Variants in OPCML observed in about 807,000 individuals in gnomAD.
The protein encoded by OPCML is opioid binding protein/cell adhesion molecule like, also known as opioid-binding protein/cell adhesion molecule.
A neutral mutation model predicts 37.8 loss-of-function variants in OPCML; 13 were observed. The ratio of observed to expected loss-of-function variants is 0.34; its 90% CI spans 0.22 to 0.55. OPCML has a LOEUF of 0.55. Among genes scored for constraint, OPCML ranks in the 20% least tolerant of loss-of-function variants. The pLI, the probability that OPCML is intolerant of heterozygous loss-of-function variation, is 0.91. For missense variants in OPCML, 341 were observed against 435.6 expected (o/e 0.78, Z 1.93); for synonymous variants, 176 against 168.8 (o/e 1.04, Z -0.33).
intron 1 of OPCML, among the ~76,000 whole-genome samples, chr11:133,090,710 G>C (rs1167775284): frequency 6.6e-6 from 1 of 152,210 alleles, no homozygotes; most frequent in Admixed American, 6.6e-5. Context: ...TCTCCTGACA[G>C]CTTATATGAA....
chr11:133,178,196 C>T (rs767434512), intron 1 of OPCML, among the ~76,000 whole-genome samples: 7 of 152,162 alleles, frequency 4.6e-5, no homozygotes, highest in Non-Finnish European at 1.0e-4. Context: ...ATGGGAATCA[C>T]AGCCTGGATG....
chr11:132,633,582 C>T (rs1940290394), intron 3 of OPCML, among the ~76,000 whole-genome samples: 2 of 152,094 alleles, frequency 1.3e-5, no homozygotes, highest in African/African-American at 2.4e-5. Context: ...TGAGCCTGGC[C>T]TCTTACGCTG....
intron 3 of OPCML, among the ~76,000 whole-genome samples, chr11:132,544,291 C>T (rs1224264751): frequency 6.6e-6 from 1 of 152,106 alleles, no homozygotes; most frequent in African/African-American, 2.4e-5. Context: ...TAATTCACAC[C>T]GTTTACTGGG....
chr11:133,062,775 T>C (rs1268804332), intron 1 of OPCML, among the ~76,000 whole-genome samples: 1 of 152,228 alleles, frequency 6.6e-6, no homozygotes, highest in African/African-American at 2.4e-5. Flanking sequence ...AACCCTGTCA[T>C]TGATCCCAAT....
intron 3 of OPCML, among the ~76,000 whole-genome samples, chr11:132,598,729 A>G (rs1937622590): frequency 6.6e-6 from 1 of 152,132 alleles, no homozygotes; most frequent in Non-Finnish European, 1.5e-5. Context: ...TCCCTTACTG[A>G]TCATCCTTTA....
intron 1 of OPCML, among the ~76,000 whole-genome samples, chr11:133,266,521 C>T (rs950172733): frequency 6.6e-6 from 1 of 152,186 alleles, no homozygotes; most frequent in African/African-American, 2.4e-5. Flanking sequence ...TTGTCACTGC[C>T]ATTTGGTATT....
rs527969374 is a variant in OPCML at position 132,822,916 on chromosome 11, A to G, written c.146+120010T>C. On this transcript the variant is annotated intron_variant, in intron 2 of 7. Transcript: ENST00000524381. ...CAAGTCTCAATTACCTCATTTGTAA[A>G]TGAAGACTATAATCATATCCACCTC... 9.5e-4 allele frequency among the ~76,000 whole-genome samples: 145 copies of G among 152,326 alleles called. 3 individuals are homozygous for G. The South Asian group carries it at 0.029, about 31-fold the overall frequency.
intron 1 of OPCML, among the ~76,000 whole-genome samples, chr11:133,228,737 G>T (rs964547909): frequency 2.4e-4 from 37 of 152,254 alleles, no homozygotes; most frequent in African/African-American, 6.8e-4. Context: ...CTCAGCACGG[G>T]CCCAGGAGGC....
intron 1 of OPCML, among the ~76,000 whole-genome samples, chr11:133,318,014 A>C (rs1267280867): frequency 6.6e-6 from 1 of 152,208 alleles, no homozygotes; most frequent in African/African-American, 2.4e-5. Flanking sequence ...TGATTTCCAG[A>C]TCACAGAGAG....
chr11:133,393,446 C>T (rs1407016072), intron 1 of OPCML, among the ~76,000 whole-genome samples: 1 of 152,176 alleles, frequency 6.6e-6, no homozygotes, highest in Non-Finnish European at 1.5e-5. Context: ...TGTCGGCTTT[C>T]ACCCCAGAGA....
chr11:133,257,038 C>T (rs1941332941), intron 1 of OPCML, among the ~76,000 whole-genome samples: 1 of 152,194 alleles, frequency 6.6e-6, no homozygotes, highest in Admixed American at 6.5e-5. Context: ...CTGCCAGGAC[C>T]AATCTTAGGT....
intron 2 of OPCML, among the ~76,000 whole-genome samples, chr11:132,937,595 GGTGTGTGT>G (rs58674976): frequency 0.05 from 4,398 of 88,750 alleles, 84 homozygotes; most frequent in Middle Eastern, 0.14. Context: ...GCGTGTGTGG[GGTGTGTGT>G]GTGTGTGTGT....
At chr11:133,514,375 G>T (rs968544287) in intron 1 of OPCML, among the ~76,000 whole-genome samples, 2 of 152,194 alleles carry the variant, frequency 1.3e-5, no homozygotes, top group African/African-American at 4.8e-5. Flanking sequence ...TCCCAAAAGG[G>T]ACTGAAGAGA....
At chr11:132,558,308 T>TC (rs2096400978) in intron 3 of OPCML, among the ~76,000 whole-genome samples, 1 of 47,830 alleles carries the variant, frequency 2.1e-5, no homozygotes. Flanking sequence ...CCCCTCCTCC[T>TC]CTCCCCCTCC....
intron 2 of OPCML, among the ~76,000 whole-genome samples, chr11:132,892,107 C>A (rs573275774): frequency 1.3e-5 from 2 of 152,226 alleles, no homozygotes; most frequent in African/African-American, 2.4e-5. Context: ...TCTCCTCCAT[C>A]GCTTTTAAAA....
intron 1 of OPCML, among the ~76,000 whole-genome samples, chr11:133,150,210 C>A (rs555068615): frequency 1.3e-5 from 2 of 152,348 alleles, no homozygotes; most frequent in South Asian, 4.1e-4. Context: ...CCATTTAGGG[C>A]ATGCTAGTAA....
At chr11:133,102,505 T>C (rs978006986) in intron 1 of OPCML, among the ~76,000 whole-genome samples, 4 of 152,038 alleles carry the variant, frequency 2.6e-5, no homozygotes, top group African/African-American at 7.3e-5. Flanking sequence ...TCGCAGAACT[T>C]TGGGAGGCCG....
chr11:132,879,268 A>G (rs116112363), intron 2 of OPCML, among the ~76,000 whole-genome samples: 1 of 152,356 alleles, frequency 6.6e-6, no homozygotes, highest in African/African-American at 2.4e-5. Context: ...TAGTAAAAGT[A>G]TGAAAATCAT....
intron 3 of OPCML, among the ~76,000 whole-genome samples, chr11:132,596,820 C>T (rs1466732928): frequency 1.3e-5 from 2 of 152,150 alleles, no homozygotes; most frequent in Non-Finnish European, 1.5e-5. Flanking sequence ...AATTGGCTTC[C>T]CATTGAAATA....
Sources: gnomAD v4.1 joint callset for allele counts (sites outside exome capture counted in the v4.1 genomes callset) on GRCh38, gnomAD v4.1.1 for gene constraint, MANE v1.5 for transcripts, NCBI Gene and HGNC (gene_info 2026-07-23, HGNC 2026-07-21) for gene names.